Variants in ZSCAN5C observed in about 807,000 individuals in gnomAD.
ZSCAN5C encodes zinc finger and SCAN domain containing 5C.
ZSCAN5C carries 11 observed loss-of-function variants against 17.3 expected under a neutral mutation model. The observed-to-expected ratio is 0.64, with a 90% CI of 0.40 to 1.06. The LOEUF is 1.06. Among genes scored for constraint, ZSCAN5C ranks in the 50% least tolerant of loss-of-function variants. The pLI, the probability that ZSCAN5C is intolerant of heterozygous loss-of-function variation, is 0.00. For synonymous variants in ZSCAN5C, 229 were observed against 208.4 expected, an observed-to-expected ratio of 1.10 and a Z score of -0.85; for missense variants, 698 against 538.9, an observed-to-expected ratio of 1.30 and a Z score of -2.92.
intron 2 of ZSCAN5C, among the ~76,000 whole-genome samples, 184 bp downstream of exon 2, chr19:56,206,481 C>G (rs1032554089): frequency 3.3e-5 from 5 of 151,882 alleles, no homozygotes; most frequent in Admixed American, 2.6e-4. Context: ...AGGGGGAGGA[C>G]AGGAGACGCT....
Position 56,207,917 on chromosome 19 carries a change from T to C in ZSCAN5C, c.589-117T>C. 3 of 612,066 alleles carry C rather than the reference T, an allele frequency of 4.9e-6. No homozygotes were observed. In the South Asian group the frequency reaches 5.9e-5, roughly 12 times the overall value. The allele number at this position is 612,066 out of a possible 1,614,324, so 37.9% of individuals were successfully genotyped here. A position where few individuals can be genotyped will look rare whatever the true frequency, so the allele number is the denominator to read the frequency against. ...GAAATATGCCCAGAGAACCAAACAG[T>C]GAAAACCACCACACCTGTGTCATTA... On this transcript the variant is annotated intron_variant, in intron 3 of 4. Transcript: ENST00000534327.
At chr19:56,205,876 G>T in exon 2 of ZSCAN5C, 1 of 891,916 alleles carries the variant, frequency 1.1e-6, no homozygotes, top group Non-Finnish European at 1.8e-6. Flanking sequence ...TTCTGGAAGA[G>T]CTTTCCCAGA....
intron 1 of ZSCAN5C, among the ~76,000 whole-genome samples, chr19:56,203,335 T>C (rs1599945337): frequency 1.3e-5 from 2 of 152,082 alleles, no homozygotes; most frequent in East Asian, 1.9e-4. Flanking sequence ...TACGTATTTA[T>C]GGTGTACAGC....
At chr19:56,207,373 T>C in intron 3 of ZSCAN5C, 111 bp downstream of exon 3, 2 of 603,826 alleles carry the variant, frequency 3.3e-6, no homozygotes, top group African/African-American at 1.9e-5. Flanking sequence ...ATTACAGCCA[T>C]TCCCCATGGA....
exon 3 of ZSCAN5C, chr19:56,207,199 G>A (rs1163233306): frequency 5.1e-6 from 4 of 778,388 alleles, no homozygotes; most frequent in Non-Finnish European, 9.6e-6. Context: ...TGTGTCCGGA[G>A]GAAGGCCAGG....
downstream of ZSCAN5C, chr19:56,209,316 G>T: frequency 3.6e-6 from 2 of 550,708 alleles, no homozygotes; most frequent in Admixed American, 6.9e-5. Context: ...GAGTGCCCTA[G>T]ATAGGAATTC....
At chr19:56,206,990 G>A in intron 2 of ZSCAN5C, 69 bp from the exon 3 acceptor site, 2 of 662,584 alleles carry the variant, frequency 3.0e-6, no homozygotes, top group Non-Finnish European at 5.5e-6. Context: ...ATTATGGCAG[G>A]ACCCAGGGAA....
At chr19:56,205,876 G>C (rs750491201) in exon 2 of ZSCAN5C, 20 of 891,802 alleles carry the variant, frequency 2.2e-5, no homozygotes, top group Non-Finnish European at 3.3e-5. Flanking sequence ...TTCTGGAAGA[G>C]CTTTCCCAGA....
chr19:56,205,810 ATTACTGAGAAAAACCAG>A lies in ZSCAN5C; in HGVS notation c.-103_-87del. The A allele has an allele frequency of 1.6e-6, 1 of 607,502 alleles. No individual in the cohort carries two copies. The highest frequency in any genetic ancestry group is 2.7e-5 in the East Asian group (1 of 36,968). 37.6% of individuals were successfully genotyped at this position (607,502 alleles called of 1,614,324 possible). ...AGACTTCTGAATGAACAGTGAATCT[ATTACTGAGAAAAACCAG>A]GGGTGGCCTGTGTATATAGGTCGCA... On this transcript the variant is annotated 5_prime_UTR_variant, in exon 2 of 5. It removes the in-frame stop codon of an upstream open reading frame in the 5' UTR. Transcript: ENST00000534327.
At chr19:56,203,273 A>G (rs989853721) in intron 1 of ZSCAN5C, among the ~76,000 whole-genome samples, 3 of 149,362 alleles carry the variant, frequency 2.0e-5, no homozygotes, top group Non-Finnish European at 2.9e-5. Flanking sequence ...TCTCATATCC[A>G]TATGCTTTTT....
intron 1 of ZSCAN5C, among the ~76,000 whole-genome samples, chr19:56,203,891 C>T (rs938759316): frequency 7.2e-5 from 11 of 151,732 alleles, no homozygotes; most frequent in Non-Finnish European, 1.3e-4. Flanking sequence ...TCAGGTGATC[C>T]GCCCATCTCA....
intron 1 of ZSCAN5C, among the ~76,000 whole-genome samples, chr19:56,203,028 T>C (rs2032887211): frequency 6.6e-6 from 1 of 152,052 alleles, no homozygotes; most frequent in Non-Finnish European, 1.5e-5. Context: ...CGTACCTGCC[T>C]TTATTTTTTC....
At chr19:56,204,207 A>G (rs888333004) in intron 1 of ZSCAN5C, among the ~76,000 whole-genome samples, 9 of 150,942 alleles carry the variant, frequency 6.0e-5, no homozygotes, top group Non-Finnish European at 1.2e-4. Flanking sequence ...CCACGTCCTG[A>G]TTTCCTTTCC....
chr19:56,202,591 A>T (rs551915386), intron 1 of ZSCAN5C, among the ~76,000 whole-genome samples: 4 of 152,008 alleles, frequency 2.6e-5, no homozygotes, highest in Non-Finnish European at 5.9e-5. Context: ...GTTAGGCTAC[A>T]TTTTATTTTT....
chr19:56,204,848 T>C (rs2032904672), intron 1 of ZSCAN5C, among the ~76,000 whole-genome samples: 1 of 152,010 alleles, frequency 6.6e-6, no homozygotes, highest in South Asian at 2.1e-4. Flanking sequence ...TGTGTTCTCA[T>C]AGCTGTTGAA....
At chr19:56,206,914 G>T (rs1353085083) in intron 2 of ZSCAN5C, 145 bp from the exon 3 acceptor site, 9 of 591,958 alleles carry the variant, frequency 1.5e-5, no homozygotes, top group Middle Eastern at 4.5e-4. Flanking sequence ...AAAGAAAAAA[G>T]TTCACACAGA....
exon 2 of ZSCAN5C, chr19:56,206,266 T>C (rs2032920473): frequency 6.5e-7 from 1 of 1,531,512 alleles, no homozygotes; most frequent in Non-Finnish European, 8.8e-7. Context: ...CTGGAGGACC[T>C]GCTACGAAAT....
intron 4 of ZSCAN5C, 56 bp downstream of exon 4, chr19:56,208,240 G>A (rs1285393872): frequency 4.2e-6 from 3 of 708,288 alleles, no homozygotes; most frequent in Non-Finnish European, 7.8e-6. Flanking sequence ...TGGGGTGTGG[G>A]GCTGGGGTCC....
intron 1 of ZSCAN5C, among the ~76,000 whole-genome samples, chr19:56,202,913 A>G (rs1018916555): frequency 6.6e-6 from 1 of 151,992 alleles, no homozygotes; most frequent in African/African-American, 2.4e-5. Context: ...AAAATCAGCC[A>G]TTGATGAATG....
Sources: gnomAD v4.1 joint callset for allele counts (sites outside exome capture counted in the v4.1 genomes callset) on GRCh38, gnomAD v4.1.1 for gene constraint, MANE v1.5 for transcripts, NCBI Gene and HGNC (gene_info 2026-07-23, HGNC 2026-07-21) for gene names.